Variants in CDH13 observed in about 807,000 individuals in gnomAD.
CDH13 encodes cadherin 13.
In CDH13, 24 loss-of-function variants were observed where a neutral mutation model predicts 63.8. The ratio of observed to expected loss-of-function variants is 0.38; its 90% CI spans 0.27 to 0.53. The LOEUF is 0.53. Ranked by LOEUF, CDH13 falls within the 20% of genes least tolerant of loss-of-function variation. The pLI, the probability that CDH13 is intolerant of heterozygous loss-of-function variation, is 0.85. For missense variants in CDH13, 1,049 were observed against 903.1 expected (o/e 1.16, Z -2.07); for synonymous variants, 503 against 355.3 (o/e 1.42, Z -4.67).
intron 3 of CDH13, among the ~76,000 whole-genome samples, chr16:83,051,595 C>T (rs371084674): frequency 4.6e-5 from 7 of 152,324 alleles, no homozygotes; most frequent in African/African-American, 1.7e-4. Context: ...ACAATGATTG[C>T]ATGTGGGTGG....
intron 10 of CDH13, among the ~76,000 whole-genome samples, chr16:83,681,964 T>TCTC (rs1032671362): frequency 1.3e-5 from 2 of 152,098 alleles, no homozygotes; most frequent in East Asian, 1.9e-4. Context: ...TCTTCCTTCT[T>TCTC]CTCCTCCTCC....
At chr16:83,186,510 T>C (rs1429134704) in intron 4 of CDH13, among the ~76,000 whole-genome samples, 1 of 152,120 alleles carries the variant, frequency 6.6e-6, no homozygotes, top group East Asian at 1.9e-4. Flanking sequence ...TTCTCTTGTG[T>C]TGCTTTTCGT....
At chr16:82,971,885 C>G (rs1908808937) in intron 2 of CDH13, among the ~76,000 whole-genome samples, 1 of 152,170 alleles carries the variant, frequency 6.6e-6, no homozygotes, top group Non-Finnish European at 1.5e-5. Context: ...TCTGCATGGC[C>G]TGTACCCTTG....
At chr16:83,725,123 TA>T (rs1353223485) in intron 10 of CDH13, among the ~76,000 whole-genome samples, 1 of 151,958 alleles carries the variant, frequency 6.6e-6, no homozygotes, top group East Asian at 1.9e-4. Flanking sequence ...AACACTACAA[TA>T]TAACAGCAGC....
At chr16:83,251,295 G>C (rs1269551410) in intron 5 of CDH13, among the ~76,000 whole-genome samples, 1 of 152,184 alleles carries the variant, frequency 6.6e-6, no homozygotes, top group Non-Finnish European at 1.5e-5. Flanking sequence ...CTCTATTTAA[G>C]TGTTTTATTA....
chr16:82,797,042 A>C (rs1032049844), intron 1 of CDH13, among the ~76,000 whole-genome samples: 5 of 152,366 alleles, frequency 3.3e-5, no homozygotes, highest in African/African-American at 4.8e-5. Context: ...CGATTCTTCC[A>C]TGACTATGTA....
intron 3 of CDH13, among the ~76,000 whole-genome samples, chr16:83,082,118 G>C (rs531184337): frequency 6.6e-6 from 1 of 152,234 alleles, no homozygotes; most frequent in East Asian, 1.9e-4. Flanking sequence ...ACTTCTTAAT[G>C]GCCCAATCTC....
At chr16:83,269,096 G>A (rs1258575984) in intron 5 of CDH13, among the ~76,000 whole-genome samples, 1 of 152,198 alleles carries the variant, frequency 6.6e-6, no homozygotes, top group Non-Finnish European at 1.5e-5. Flanking sequence ...TCATAATCTA[G>A]AACTCTCTAG....
chr16:82,787,970 C>G (rs147009715), intron 1 of CDH13, among the ~76,000 whole-genome samples: 1 of 152,048 alleles, frequency 6.6e-6, no homozygotes, highest in Non-Finnish European at 1.5e-5. Flanking sequence ...AGGATGGTGT[C>G]ACTGTGTCCT....
chr16:83,327,994 G>A (rs1414644089), intron 5 of CDH13, among the ~76,000 whole-genome samples: 1 of 152,050 alleles, frequency 6.6e-6, no homozygotes, highest in African/African-American at 2.4e-5. Flanking sequence ...TTAGCAGGGT[G>A]TGGTGGTGGG....
At chr16:83,031,839 T>A (rs1009689185) in intron 2 of CDH13, among the ~76,000 whole-genome samples, 171 bp from the exon 3 acceptor site, 7 of 152,280 alleles carry the variant, frequency 4.6e-5, no homozygotes, top group African/African-American at 1.7e-4. Flanking sequence ...GTGAAGTCCA[T>A]CAGCACAAAG....
intron 1 of CDH13, among the ~76,000 whole-genome samples, chr16:82,724,107 C>G (rs2032947831): frequency 1.3e-5 from 2 of 152,126 alleles, no homozygotes; most frequent in African/African-American, 4.8e-5. Flanking sequence ...CCTTGTGAAG[C>G]TTGAAAGATC....
At chr16:82,837,562 A>C (rs537841544) in intron 1 of CDH13, among the ~76,000 whole-genome samples, 1 of 152,300 alleles carries the variant, frequency 6.6e-6, no homozygotes, top group Non-Finnish European at 1.5e-5. Context: ...AAGGCCTGTG[A>C]GCGAAGTCCG....
chr16:82,802,276 C>T (rs2151162181), intron 1 of CDH13, among the ~76,000 whole-genome samples: 1 of 152,132 alleles, frequency 6.6e-6, no homozygotes, highest in Non-Finnish European at 1.5e-5. Context: ...AGTGAGTGCT[C>T]ACAGTATGTA....
chr16:82,806,392 C>G (rs1445697250), intron 1 of CDH13, among the ~76,000 whole-genome samples: 1 of 152,144 alleles, frequency 6.6e-6, no homozygotes, highest in African/African-American at 2.4e-5. Flanking sequence ...GTATACCAGA[C>G]ACCTTTAAGA....
chr16:83,102,119 C>A (rs1187899669), intron 3 of CDH13, among the ~76,000 whole-genome samples: 1 of 152,050 alleles, frequency 6.6e-6, no homozygotes, highest in Non-Finnish European at 1.5e-5. Context: ...AAGGAAGGGT[C>A]CATGAGCCAA....
chr16:83,419,103 C>G (rs1017020767), intron 6 of CDH13, among the ~76,000 whole-genome samples: 3 of 152,128 alleles, frequency 2.0e-5, no homozygotes, highest in African/African-American at 7.2e-5. Context: ...AGCGTGAAGA[C>G]CTAACTGTTG....
intron 2 of CDH13, among the ~76,000 whole-genome samples, chr16:82,867,252 T>C (rs2040181978): frequency 6.6e-6 from 1 of 152,176 alleles, no homozygotes; most frequent in South Asian, 2.1e-4. Context: ...CTGGTTTTCA[T>C]CCATAGTTCT....
chr16:82,897,175 G>A (rs1349563090), intron 2 of CDH13, among the ~76,000 whole-genome samples: 1 of 152,050 alleles, frequency 6.6e-6, no homozygotes, highest in Non-Finnish European at 1.5e-5. Context: ...CACAGGAGTG[G>A]GTTTGCCTTA....
Sources: gnomAD v4.1 joint callset for allele counts (sites outside exome capture counted in the v4.1 genomes callset) on GRCh38, gnomAD v4.1.1 for gene constraint, MANE v1.5 for transcripts, NCBI Gene and HGNC (gene_info 2026-07-23, HGNC 2026-07-21) for gene names.